The following C12orf75 variants were observed in gnomAD, a reference collection of about 807,000 sequenced individuals.
The protein encoded by C12orf75 is chromosome 12 open reading frame 75.
Under a neutral mutation model 11.4 loss-of-function variants are expected in C12orf75, and 4 were observed. That is an observed-to-expected ratio of 0.35 (90% confidence interval 0.17 to 0.80). C12orf75 has a LOEUF of 0.80. Among genes scored for constraint, C12orf75 ranks in the 30% least tolerant of loss-of-function variants. The pLI, the probability that C12orf75 is intolerant of heterozygous loss-of-function variation, is 0.52. For missense variants in C12orf75, 89 were observed against 80.4 expected, an observed-to-expected ratio of 1.11 and a Z score of -0.41; for synonymous variants, 30 against 30.0, an observed-to-expected ratio of 1.00 and a Z score of 0.00.
rs1871508874 is a variant in C12orf75 at position 105,367,522 on chromosome 12, T to C, written c.*33+13T>C. On this transcript the variant is annotated intron_variant, in intron 5 of 5. Coordinates refer to ENST00000443585, the MANE Select transcript of C12orf75 (RefSeq NM_001145199.2). ...CAAGAATCAAGAGGTGCTGTATATTTTTCTAAATAATTCTATATATTTAGA... is the reference window on the plus strand; with the variant it reads ...CAAGAATCAAGAGGTGCTGTATATTCTTCTAAATAATTCTATATATTTAGA... The C allele has an allele frequency of 2.7e-6, 2 of 734,428 alleles. No homozygotes were observed. Among genetic ancestry groups the C allele is most frequent in the Non-Finnish European group, 4.4e-6 (2 of 456,508 alleles). 45.5% of individuals were successfully genotyped at this position (734,428 alleles called of 1,614,324 possible). A position where few individuals can be genotyped will look rare whatever the true frequency, so the allele number is the denominator to read the frequency against.
chr12:105,356,571 G>A (rs1892784283), intron 2 of C12orf75, among the ~76,000 whole-genome samples: 1 of 150,294 alleles, frequency 6.7e-6, no homozygotes, highest in African/African-American at 2.4e-5. Context: ...AGTTCTAGAA[G>A]CCTAAGGGAA....
chr12:105,349,566 G>A (rs1007722523), intron 2 of C12orf75, among the ~76,000 whole-genome samples: 1 of 152,178 alleles, frequency 6.6e-6, no homozygotes, highest in Non-Finnish European at 1.5e-5. Flanking sequence ...GGGCTCAAAA[G>A]CCTTCAATGG....
At chr12:105,354,497 G>C (rs1892750929) in intron 2 of C12orf75, among the ~76,000 whole-genome samples, 1 of 152,182 alleles carries the variant, frequency 6.6e-6, no homozygotes, top group African/African-American at 2.4e-5. Flanking sequence ...AGCTGCTGGA[G>C]GGACAGATTA....
intron 2 of C12orf75, among the ~76,000 whole-genome samples, chr12:105,349,876 C>CA (rs887323254): frequency 2.1e-4 from 31 of 148,214 alleles, no homozygotes; most frequent in African/African-American, 6.7e-4. Context: ...GACTCTGTCT[C>CA]AAAAAAAAGA....
At chr12:105,362,855 G>A (rs1892892382) in intron 2 of C12orf75, among the ~76,000 whole-genome samples, 1 of 152,142 alleles carries the variant, frequency 6.6e-6, no homozygotes, top group Non-Finnish European at 1.5e-5. Context: ...TTTTTAAAAT[G>A]TGAGTAGTAC....
At chr12:105,350,950 C>G (rs1320971507) in intron 2 of C12orf75, among the ~76,000 whole-genome samples, 1 of 152,144 alleles carries the variant, frequency 6.6e-6, no homozygotes, top group African/African-American at 2.4e-5. Context: ...CTTCAGATTT[C>G]CCTTGACTAT....
chr12:105,359,699 A>G (rs1892833991), intron 2 of C12orf75, among the ~76,000 whole-genome samples: 1 of 149,520 alleles, frequency 6.7e-6, no homozygotes, highest in African/African-American at 2.5e-5. Flanking sequence ...TGAACCCAGG[A>G]GGCAGAGGTT....
intron 2 of C12orf75, among the ~76,000 whole-genome samples, chr12:105,365,552 C>T (rs1871448100): frequency 6.6e-6 from 1 of 152,184 alleles, no homozygotes; most frequent in Non-Finnish European, 1.5e-5. Flanking sequence ...GGCAGTTGTG[C>T]ATTTTGGCAT....
At chr12:105,341,195 G>A (rs1892568816) in intron 1 of C12orf75, among the ~76,000 whole-genome samples, 1 of 152,190 alleles carries the variant, frequency 6.6e-6, no homozygotes, top group African/African-American at 2.4e-5. Flanking sequence ...AACACAGCAT[G>A]ATGCAATCTT....
At chr12:105,350,456 C>G (rs35281951) in intron 2 of C12orf75, among the ~76,000 whole-genome samples, 145 of 152,314 alleles carry the variant, frequency 9.5e-4, no homozygotes, top group Non-Finnish European at 1.9e-3. Context: ...TTGTGTTTTG[C>G]TGTGCCCACT....
intron 1 of C12orf75, among the ~76,000 whole-genome samples, chr12:105,332,021 G>A (rs1369572264): frequency 6.6e-6 from 1 of 152,170 alleles, no homozygotes; most frequent in Non-Finnish European, 1.5e-5. Context: ...CTCAATTTGA[G>A]TCTTGAATTA....
Position 105,365,856 on chromosome 12 carries a change from T to G in C12orf75, c.107+14T>G, listed in dbSNP as rs1391706174. On this transcript the variant is annotated intron_variant, in intron 3 of 5. Transcript: ENST00000443585. ...TGACAAGAGGAGGTATGTTTGGTAT[T>G]GCAGCTGGCTTTAGTTTGAATGGTT... The G allele has an allele frequency of 1.3e-6, 2 of 1,534,864 alleles. No homozygotes were observed. The highest frequency in any genetic ancestry group is 3.9e-5 in the Admixed American group (2 of 50,970).
At chr12:105,369,339 G>A (rs909078487) in intron 5 of C12orf75, among the ~76,000 whole-genome samples, 7 of 152,180 alleles carry the variant, frequency 4.6e-5, no homozygotes, top group African/African-American at 1.7e-4. Flanking sequence ...GTTCATGGCT[G>A]TAAATTTATC....
At chr12:105,361,544 C>CTT (rs1892866254) in intron 2 of C12orf75, among the ~76,000 whole-genome samples, 1 of 152,184 alleles carries the variant, frequency 6.6e-6, no homozygotes, top group East Asian at 1.9e-4. Context: ...AGAAGGTGTG[C>CTT]TTTTTAGACT....
At chr12:105,341,462 G>A (rs1040991176) in intron 1 of C12orf75, among the ~76,000 whole-genome samples, 3 of 152,138 alleles carry the variant, frequency 2.0e-5, no homozygotes, top group Admixed American at 6.5e-5. Context: ...TGCAAATATT[G>A]CGCTTCCAGG....
chr12:105,367,472 A>G lies in C12orf75; in HGVS notation c.188A>G (p.Asn63Ser). 2.4e-6 allele frequency: 2 copies of G among 843,518 alleles called. No homozygotes were observed. The highest frequency in any genetic ancestry group is 3.6e-6 in the Non-Finnish European group (2 of 553,822). The allele number at this position is 843,518 out of a possible 1,614,324, so 52.3% of individuals were successfully genotyped here. A position where few individuals can be genotyped will look rare whatever the true frequency, so the allele number is the denominator to read the frequency against. Residue 63 changes from asparagine (N) to serine (S), a missense_variant and splice_region_variant, in exon 5 of 6, where the codon AAT (asparagine) becomes AGT (serine). Coordinates refer to ENST00000443585, the MANE Select transcript of C12orf75 (RefSeq NM_001145199.2). ...VSSQTKTVRK[N>S] ...AACTTTTCTTAATTTTCTCTTTAAG[A>G]TTAGAAGAAAATAACATCATGACTC... is the stretch of plus-strand genomic sequence containing the variant.
intron 2 of C12orf75, among the ~76,000 whole-genome samples, chr12:105,349,997 A>G (rs1892689896): frequency 6.6e-6 from 1 of 152,264 alleles, no homozygotes; most frequent in Non-Finnish European, 1.5e-5. Flanking sequence ...TTTTAAAATT[A>G]GGACTTTAGA....
chr12:105,340,891 C>T (rs1892565073), intron 1 of C12orf75, among the ~76,000 whole-genome samples: 1 of 152,072 alleles, frequency 6.6e-6, no homozygotes. Flanking sequence ...GGCCACAAGC[C>T]AAGGAATGCT....
Position 105,355,311 on chromosome 12 carries a change from A to C in C12orf75, c.71+6685A>C, listed in dbSNP as rs117663809. 9.3e-3 allele frequency among the ~76,000 whole-genome samples: 1,413 copies of C among 151,942 alleles called. 3 individuals carry two copies. Among genetic ancestry groups the C allele is most frequent in the Non-Finnish European group, 0.017 (1,124 of 67,980 alleles). ...CAGCCTCCCAAGTAGCTGGGATTAC[A>C]AGCGCATGTCACCACGCCCAGCTGA... On this transcript the variant is annotated intron_variant, in intron 2 of 5. Coordinates refer to ENST00000443585, the MANE Select transcript of C12orf75 (RefSeq NM_001145199.2).
Sources: allele counts gnomAD v4.1 joint callset (sites outside exome capture counted in the v4.1 genomes callset), GRCh38; gene constraint gnomAD v4.1.1; transcripts MANE v1.5; gene names NCBI Gene and HGNC (gene_info 2026-07-23, HGNC 2026-07-21).